SLC13A3: variants seen among roughly 807,000 people sequenced by gnomAD.
SLC13A3 encodes Na(+)/dicarboxylate cotransporter 3.
SLC13A3 carries 40 observed loss-of-function variants against 59.0 expected under a neutral mutation model. The observed-to-expected ratio is 0.68, with a 90% CI of 0.53 to 0.88. SLC13A3 has a LOEUF of 0.88. SLC13A3 is among the 40% of genes least tolerant of loss of function. SLC13A3 has a pLI of 0.00. For synonymous variants in SLC13A3, 317 were observed against 330.3 expected (o/e 0.96, Z 0.44); for missense variants, 699 against 783.2 (o/e 0.89, Z 1.28).
At chr20:46,608,721 C>A (rs2122734709) in intron 3 of SLC13A3, 1 of 850,156 alleles carries the variant, frequency 1.2e-6, no homozygotes. Flanking sequence ...TAAGTTTTAA[C>A]AGATACGTAT....
chr20:46,578,221 C>T (rs114044991), intron 9 of SLC13A3, among the ~76,000 whole-genome samples: 17 of 151,862 alleles, frequency 1.1e-4, no homozygotes, highest in African/African-American at 3.4e-4. Flanking sequence ...TGAGCCACCA[C>T]GCCCGGTCAG....
chr20:46,605,222 T>C (rs1326748165), intron 3 of SLC13A3, among the ~76,000 whole-genome samples: 1 of 152,234 alleles, frequency 6.6e-6, no homozygotes, highest in African/African-American at 2.4e-5. Context: ...ATTAGTAATG[T>C]AAGAAAAGTT....
intron 1 of SLC13A3, among the ~76,000 whole-genome samples, chr20:46,675,565 C>T (rs530323431): frequency 0.014 from 2,022 of 139,612 alleles, 45 homozygotes; most frequent in African/African-American, 0.05. Flanking sequence ...TTCTTTCTTT[C>T]TTTTTTTTTT....
chr20:46,673,097 C>T (rs1379386133), upstream of SLC13A3, among the ~76,000 whole-genome samples: 1 of 152,154 alleles, frequency 6.6e-6, no homozygotes, highest in East Asian at 1.9e-4. Flanking sequence ...TCTGAGCCTC[C>T]ATGGCCTTGT....
In SLC13A3 at chr20:46,583,689, A is replaced by G. The variant is rs375604781; in HGVS notation, c.1122-20T>C. ...AGAAACCTACAATGAGAAGGCCCCA[A>G]ATCACGTGACCATGGGCATCTCAGC... On this transcript the variant is annotated intron_variant, in intron 8 of 12. Coordinates refer to ENST00000279027, the MANE Select transcript of SLC13A3 (RefSeq NM_022829.6). The G allele has an allele frequency of 1.2e-6, 2 of 1,613,736 alleles. No individual in the cohort carries two copies. The highest frequency in any genetic ancestry group is 2.7e-5 in the African/African-American group (2 of 74,912).
At chr20:46,650,030 T>C (rs2062936705) in intron 1 of SLC13A3, among the ~76,000 whole-genome samples, 1 of 152,150 alleles carries the variant, frequency 6.6e-6, no homozygotes, top group African/African-American at 2.4e-5. Context: ...ATTTAATACC[T>C]CACTGAGAGA....
intron 6 of SLC13A3, among the ~76,000 whole-genome samples, chr20:46,590,375 A>G (rs149935393): frequency 4.1e-4 from 62 of 152,318 alleles, no homozygotes; most frequent in African/African-American, 1.3e-3. Flanking sequence ...CACCATAAGC[A>G]AAGCCAAAAG....
intron 1 of SLC13A3, among the ~76,000 whole-genome samples, chr20:46,643,328 A>G (rs558018432): frequency 2.0e-5 from 3 of 152,302 alleles, no homozygotes; most frequent in Admixed American, 6.5e-5. Context: ...TTCATTTTCT[A>G]TTTTAGATAG....
intron 2 of SLC13A3, among the ~76,000 whole-genome samples, chr20:46,611,256 T>C (rs1031696026): frequency 2.8e-4 from 42 of 152,204 alleles, no homozygotes; most frequent in Admixed American, 2.7e-3. Flanking sequence ...ATTTATTCTG[T>C]TTCAAAAATC....
intron 1 of SLC13A3, among the ~76,000 whole-genome samples, chr20:46,627,668 C>T (rs1341767266): frequency 6.6e-6 from 1 of 152,008 alleles, no homozygotes; most frequent in Admixed American, 6.6e-5. Context: ...CCTATAGTCA[C>T]CAATTTATGA....
At chr20:46,621,818 C>T (rs560627290) in intron 1 of SLC13A3, among the ~76,000 whole-genome samples, 18 of 152,324 alleles carry the variant, frequency 1.2e-4, no homozygotes, top group Middle Eastern at 6.8e-3. Flanking sequence ...CCCTACCGCT[C>T]CGCTAAAAAT....
intron 7 of SLC13A3, among the ~76,000 whole-genome samples, chr20:46,588,601 C>A (rs182174017): frequency 6.6e-6 from 1 of 151,898 alleles, no homozygotes; most frequent in African/African-American, 2.4e-5. Context: ...CTGTCTACAC[C>A]GAAAGGAGAA....
intron 1 of SLC13A3, among the ~76,000 whole-genome samples, chr20:46,646,887 C>T (rs186466404): frequency 5.3e-5 from 8 of 152,172 alleles, no homozygotes; most frequent in Non-Finnish European, 7.4e-5. Context: ...ATGTGGAATG[C>T]GAATGCAGTT....
At chr20:46,623,241 G>A (rs1165628689) in intron 1 of SLC13A3, among the ~76,000 whole-genome samples, 1 of 152,224 alleles carries the variant, frequency 6.6e-6, no homozygotes, top group Non-Finnish European at 1.5e-5. Context: ...TCTGGTGAGA[G>A]TTTCCTTTTC....
Position 46,613,585 on chromosome 20 carries a change from C to T in SLC13A3, c.252G>A (p.Gln84=), listed in dbSNP as rs1003678342. 6.2e-7 allele frequency: 1 copy of T among 1,613,812 alleles called. No homozygotes were observed. The highest frequency in any genetic ancestry group is 8.5e-7 in the Non-Finnish European group (1 of 1,179,850). Residue 84 remains glutamine, a synonymous_variant, in exon 2 of 13, where the codon CAG becomes CAA. Coordinates refer to ENST00000279027, the MANE Select transcript of SLC13A3 (RefSeq NM_022829.6). ...AGAGGAAGTTGGTGTCGAGGAAGTA[C>T]TGGGGGCAGACCTTGTTGGAGGGCA... The part of the protein sequence containing the change: ...GILPSNKVCP[Q]YFLDTNFLFL...
At chr20:46,648,866 C>G (rs1318261583) in intron 1 of SLC13A3, among the ~76,000 whole-genome samples, 2 of 151,934 alleles carry the variant, frequency 1.3e-5, no homozygotes, top group Non-Finnish European at 2.9e-5. Context: ...GATCGTGCCA[C>G]TGCACTCCAG....
chr20:46,655,591 A>G (rs2062980195), upstream of SLC13A3, among the ~76,000 whole-genome samples: 2 of 147,826 alleles, frequency 1.4e-5, no homozygotes, highest in East Asian at 3.9e-4. Context: ...TTGTATGGAT[A>G]TACCATATCA....
Position 46,590,931 on chromosome 20 carries a change from C to T in SLC13A3, c.920+1473G>A, listed in dbSNP as rs958099756. ...CTGTAATCCCAGCTGTTTGGGGGGC[C>T]GAGGTGGGTGGATCACTTGAGGTTT... On this transcript the variant is annotated intron_variant, in intron 6 of 12. Coordinates refer to ENST00000279027, the MANE Select transcript of SLC13A3 (RefSeq NM_022829.6). Among the ~76,000 whole-genome samples, 7 of 151,212 alleles carry T rather than the reference C, an allele frequency of 4.6e-5. No homozygotes were observed. In the East Asian group the frequency reaches 7.8e-4, roughly 17 times the overall value.
At chr20:46,679,686 T>G (rs1239303163) in intron 1 of SLC13A3, among the ~76,000 whole-genome samples, 1 of 151,868 alleles carries the variant, frequency 6.6e-6, no homozygotes, top group Non-Finnish European at 1.5e-5. Context: ...GGCAGGTGGA[T>G]CATTTGAGGC....
Sources: allele counts gnomAD v4.1 joint callset (sites outside exome capture counted in the v4.1 genomes callset), GRCh38; gene constraint gnomAD v4.1.1; transcripts MANE v1.5; gene names NCBI Gene and HGNC (gene_info 2026-07-23, HGNC 2026-07-21).